Variants in AK3 observed in about 807,000 individuals in gnomAD.
AK3 encodes GTP:AMP phosphotransferase AK3, mitochondrial.
Under a neutral mutation model 23.7 loss-of-function variants are expected in AK3, and 27 were observed. The ratio of observed to expected loss-of-function variants is 1.14; its 90% CI spans 0.84 to 1.57. The LOEUF is 1.57. Among genes scored for constraint, AK3 ranks in the 40% most tolerant of loss-of-function variants. The pLI is 0.00. For missense variants in AK3, 406 were observed against 285.6 expected (o/e 1.42, Z -3.04); for synonymous variants, 159 against 116.0 (o/e 1.37, Z -2.38).
At chr9:4,723,644 C>G (rs1490395558) in intron 1 of AK3, among the ~76,000 whole-genome samples, 1 of 152,082 alleles carries the variant, frequency 6.6e-6, no homozygotes, top group Non-Finnish European at 1.5e-5. Flanking sequence ...TTCTTTTTGT[C>G]ACTTAGCATT....
chr9:4,737,505 G>A (rs560686378), intron 1 of AK3, among the ~76,000 whole-genome samples: 3 of 152,172 alleles, frequency 2.0e-5, no homozygotes, highest in Non-Finnish European at 4.4e-5. Flanking sequence ...TGGATCACCT[G>A]AGGTCAGGAG....
chr9:4,728,543 C>T (rs930481936), intron 1 of AK3, among the ~76,000 whole-genome samples: 1 of 152,058 alleles, frequency 6.6e-6, no homozygotes. Context: ...TGCACTCCAG[C>T]CTGGGCAACA....
intron 1 of AK3, among the ~76,000 whole-genome samples, chr9:4,735,322 T>TACATATATAAATATATATAC (rs1842251490): frequency 1.1e-5 from 1 of 90,940 alleles, no homozygotes; most frequent in Non-Finnish European, 2.0e-5. Context: ...AATATATATA[T>TACATATATAAATATATATAC]ACATATATAA....
chr9:4,739,631 A>C (rs1022590280), intron 1 of AK3, among the ~76,000 whole-genome samples: 5 of 152,088 alleles, frequency 3.3e-5, no homozygotes, highest in African/African-American at 1.2e-4. Flanking sequence ...CATATTACAT[A>C]CAAGAAAAGA....
At position 4,710,869 on chromosome 9, in the gene AK3, C is replaced by A. The variant is rs1417393038; in HGVS notation, c.*2107G>T. 10 of 152,044 alleles carry A rather than the reference C, an allele frequency of 6.6e-5. No homozygotes were observed. The highest frequency in any genetic ancestry group is 6.5e-4 in the Admixed American group (10 of 15,270). 9.4% of individuals were successfully genotyped at this position (152,044 alleles called of 1,614,324 possible). ...ACGTTACAGTGACCCAATTATGCCA[C>A]TGCACTCTAGTCTGGGCAACAGAGT... On this transcript the variant is annotated 3_prime_UTR_variant, in exon 5 of 5. Transcript: ENST00000381809.
intron 4 of AK3, among the ~76,000 whole-genome samples, chr9:4,716,015 G>A (rs575700947): frequency 5.9e-5 from 9 of 152,264 alleles, no homozygotes; most frequent in African/African-American, 1.7e-4. Context: ...AAACTGGAAA[G>A]CTGAGGGGCT....
At chr9:4,718,587 T>C (rs371256594) in intron 3 of AK3, 50 bp from the exon 4 acceptor site, 29 of 1,355,634 alleles carry the variant, frequency 2.1e-5, no homozygotes, top group Admixed American at 8.8e-5. Flanking sequence ...TTCTGAAAGA[T>C]ATTTTCATAA....
At chr9:4,735,781 T>A (rs182147989) in intron 1 of AK3, among the ~76,000 whole-genome samples, 2 of 33,136 alleles carry the variant, frequency 6.0e-5, no homozygotes, top group Non-Finnish European at 1.1e-4. Flanking sequence ...AAAAATATTT[T>A]AAAAAGAAAA....
At chr9:4,735,479 T>TACATATATAAATATATA (rs758311463) in intron 1 of AK3, among the ~76,000 whole-genome samples, 1 of 69,130 alleles carries the variant, frequency 1.4e-5, no homozygotes, top group African/African-American at 6.2e-5. Flanking sequence ...TATATATATA[T>TACATATATAAATATATA]TTTTTTTTTT....
intron 2 of AK3, among the ~76,000 whole-genome samples, chr9:4,720,910 C>G (rs765348827): frequency 6.6e-6 from 1 of 152,166 alleles, no homozygotes; most frequent in Non-Finnish European, 1.5e-5. Context: ...GGCAGCATCA[C>G]CAGCCTACCT....
chr9:4,723,860 G>C (rs970526030), intron 1 of AK3, among the ~76,000 whole-genome samples: 7 of 152,062 alleles, frequency 4.6e-5, no homozygotes, highest in African/African-American at 1.7e-4. Flanking sequence ...TCCTCTTTGG[G>C]ATTATTTCCA....
At chr9:4,729,015 A>ATATATATT (rs71326127) in intron 1 of AK3, among the ~76,000 whole-genome samples, 1 of 129,448 alleles carries the variant, frequency 7.7e-6, no homozygotes, top group African/African-American at 2.9e-5. Flanking sequence ...ATATATATAT[A>ATATATATT]TTTTTTTTTT....
intron 1 of AK3, among the ~76,000 whole-genome samples, chr9:4,724,025 G>T (rs963469348): frequency 6.6e-6 from 1 of 152,156 alleles, no homozygotes; most frequent in African/African-American, 2.4e-5. Flanking sequence ...ATTCTAAATT[G>T]TCAGATTCAT....
intron 1 of AK3, among the ~76,000 whole-genome samples, chr9:4,738,658 C>T (rs1264453899): frequency 1.3e-5 from 2 of 151,116 alleles, no homozygotes; most frequent in African/African-American, 4.9e-5. Context: ...TAATTATAAT[C>T]ATCTCTGTGT....
At chr9:4,739,243 T>C (rs957236235) in intron 1 of AK3, among the ~76,000 whole-genome samples, 1 of 151,748 alleles carries the variant, frequency 6.6e-6, no homozygotes, top group African/African-American at 2.4e-5. Context: ...CAGGCTGGAG[T>C]GCAGCGTTGC....
intron 2 of AK3, among the ~76,000 whole-genome samples, chr9:4,722,068 C>G (rs1841912246): frequency 6.6e-6 from 1 of 152,152 alleles, no homozygotes. Flanking sequence ...CAAGTTTATC[C>G]CAGTTTTAGT....
chr9:4,735,022 G>A (rs76802046), intron 1 of AK3, among the ~76,000 whole-genome samples: 2,770 of 151,732 alleles, frequency 0.018, 97 homozygotes, highest in African/African-American at 0.063. Context: ...AGGAACAGAA[G>A]TGACGGCTAA....
At chr9:4,717,707 G>A (rs996051982) in intron 4 of AK3, among the ~76,000 whole-genome samples, 7 of 152,226 alleles carry the variant, frequency 4.6e-5, no homozygotes, top group African/African-American at 1.7e-4. Flanking sequence ...AGTAAATTAT[G>A]TGAGATATTC....
chr9:4,716,664 C>T (rs562608046), intron 4 of AK3, among the ~76,000 whole-genome samples: 1 of 152,294 alleles, frequency 6.6e-6, no homozygotes, highest in South Asian at 2.1e-4. Context: ...GGCATGGTGG[C>T]TCGTACCTGT....
Sources: allele counts gnomAD v4.1 joint callset (sites outside exome capture counted in the v4.1 genomes callset), GRCh38; gene constraint gnomAD v4.1.1; transcripts MANE v1.5; gene names NCBI Gene and HGNC (gene_info 2026-07-23, HGNC 2026-07-21).